The following ITIH2 variants were observed in gnomAD, a reference collection of about 807,000 sequenced individuals.
ITIH2 encodes inter-alpha-trypsin inhibitor heavy chain H2.
A neutral mutation model predicts 104.4 loss-of-function variants in ITIH2; 103 were observed. That is an observed-to-expected ratio of 0.99 (90% CI 0.84 to 1.16). The LOEUF (loss-of-function observed/expected upper bound fraction) is 1.16, where lower values mean the gene tolerates loss of function less well. Among genes scored for constraint, ITIH2 ranks in the 50% most tolerant of loss-of-function variants. ITIH2 has a pLI of 0.00. For missense variants in ITIH2, 1,108 were observed against 1,162.4 expected, an observed-to-expected ratio of 0.95 and a Z score of 0.68; for synonymous variants, 436 against 435.4, an observed-to-expected ratio of 1.00 and a Z score of -0.02.
chr10:7,746,525 T>G, intron 19 of ITIH2, 68 bp from the exon 20 acceptor site: 1 of 1,022,888 alleles, frequency 9.8e-7, no homozygotes, highest in Non-Finnish European at 1.5e-6. Context: ...TAGCATGGAG[T>G]CAATAATGAG....
intron 4 of ITIH2, 106 bp downstream of exon 4, chr10:7,709,297 G>A (rs973045117): frequency 1.1e-5 from 11 of 984,050 alleles, no homozygotes; most frequent in Admixed American, 6.0e-5. Flanking sequence ...CCAGAGGACC[G>A]GCTGGATGTC....
chr10:7,705,294 G>T, intron 2 of ITIH2, 112 bp downstream of exon 2: 2 of 771,770 alleles, frequency 2.6e-6, no homozygotes, highest in Non-Finnish European at 2.2e-6. Context: ...TTGTTTTTTA[G>T]CACAGAAGAG....
Position 7,735,033 on chromosome 10 carries a change from G to C in ITIH2, c.1899G>C (p.Glu633Asp), listed in dbSNP as rs747736437. The change falls in exon 15 of 21, where the codon GAG (glutamate) becomes GAC (aspartate). Residue 633 changes from glutamate (E) to aspartate (D), a missense_variant. Glu to Asp is a conservative substitution (Grantham distance 45, BLOSUM62 2). Transcript: ENST00000358415. ...TPLTSLVIEN[E>D]AGDERMLADA... ...TGACCTCGCTGGTGATCGAGAACGA[G>C]GCTGGGGATGAGCGCATGCTGGCGG... The C allele has an allele frequency of 3.2e-5, 52 of 1,613,294 alleles. 1 individual carries two copies. The East Asian group carries it at 1.2e-3, about 36-fold the overall frequency.
chr10:7,709,003 G>A lies in ITIH2; in HGVS notation c.193-19G>A, dbSNP rs1834771725. The stretch of plus-strand genomic sequence containing the variant: ...GTGATTTTTCTATCAGTACAGTTAT[G>A]CTTTCTTGCCAATTTCAGGAAGAGG... On this transcript the variant is annotated intron_variant, in intron 3 of 20. Coordinates refer to ENST00000358415, the MANE Select transcript of ITIH2 (RefSeq NM_002216.3). The A allele has an allele frequency of 6.2e-7, 1 of 1,608,334 alleles. No homozygotes were observed. The highest frequency in any genetic ancestry group is 1.7e-5 in the Admixed American group (1 of 59,968).
chr10:7,720,875 A>G lies in ITIH2; in HGVS notation c.650A>G (p.Glu217Gly). 6.2e-7 allele frequency: 1 copy of G among 1,611,664 alleles called. No homozygotes were observed. The highest frequency in any genetic ancestry group is 8.5e-7 in the Non-Finnish European group (1 of 1,177,736). The change falls in exon 7 of 21, where the codon GAA becomes GGA. Residue 217 changes from glutamate to glycine, a missense_variant. Physicochemically the swap from Glu to Gly is moderately conservative, Grantham distance 98. Transcript: ENST00000358415. ...KHLEVDVWVI[E>G]PQGLRFLHVP... The stretch of plus-strand genomic sequence containing the variant: ...CTCTAGGTAGATGTGTGGGTTATCG[A>G]ACCACAGGGACTGAGATTTCTTCAT...
rs575787724 is a variant in ITIH2 at position 7,744,859 on chromosome 10, T to G, written c.2477T>G (p.Val826Gly). 1 of 1,614,054 alleles carries G rather than the reference T, an allele frequency of 6.2e-7. No individual in the cohort carries two copies. The highest frequency in any genetic ancestry group is 2.2e-5 in the East Asian group (1 of 44,872). The stretch of plus-strand genomic sequence containing the variant: ...CTGGATAAAGAGATGTCCTTTTCTG[T>G]TTTACTTCATCGTGTTTGGAAGAAG... ...ITLDKEMSFSVLLHRVWKKHP... is the reference protein window; with the variant it reads ...ITLDKEMSFSGLLHRVWKKHP... Residue 826 changes from valine (V) to glycine (G), a missense_variant, in exon 19 of 21, where the codon GTT becomes GGT. Transcript: ENST00000358415.
At chr10:7,718,155 G>T (rs550838920) in intron 6 of ITIH2, among the ~76,000 whole-genome samples, 1 of 152,276 alleles carries the variant, frequency 6.6e-6, no homozygotes, top group South Asian at 2.1e-4. Context: ...TTCTCCTGCT[G>T]TCTGGCAGCT....
At chr10:7,705,700 TAAAAA>T (rs34935493) in intron 2 of ITIH2, among the ~76,000 whole-genome samples, 50 of 131,858 alleles carry the variant, frequency 3.8e-4, no homozygotes, top group Non-Finnish European at 6.7e-4. Context: ...CCACTCCATT[TAAAAA>T]AAAAAAAAAA....
chr10:7,711,607 C>A (rs1344160245), intron 4 of ITIH2, among the ~76,000 whole-genome samples: 3 of 152,128 alleles, frequency 2.0e-5, no homozygotes, highest in African/African-American at 7.2e-5. Context: ...ATGGCCTTGA[C>A]CAGCAGTGTG....
intron 16 of ITIH2, among the ~76,000 whole-genome samples, chr10:7,742,572 A>C (rs1835137412): frequency 6.6e-6 from 1 of 152,072 alleles, no homozygotes; most frequent in Non-Finnish European, 1.5e-5. Context: ...GAGACCCCCC[A>C]TCTCTACAAA....
At chr10:7,732,207 TC>T (rs1173417716) in intron 13 of ITIH2, 130 bp from the exon 14 acceptor site, 17 of 1,098,046 alleles carry the variant, frequency 1.5e-5, no homozygotes, top group Non-Finnish European at 2.1e-5. Flanking sequence ...GGAATGCATT[TC>T]CTTCCTCCGT....
At chr10:7,742,422 C>T (rs1019619212) in intron 16 of ITIH2, among the ~76,000 whole-genome samples, 3 of 152,036 alleles carry the variant, frequency 2.0e-5, no homozygotes, top group Non-Finnish European at 4.4e-5. Flanking sequence ...CTTTGTTTTC[C>T]TGCATTGTAT....
At chr10:7,718,228 C>T (rs1312595494) in intron 6 of ITIH2, among the ~76,000 whole-genome samples, 1 of 152,184 alleles carries the variant, frequency 6.6e-6, no homozygotes, top group African/African-American at 2.4e-5. Context: ...TCCACGGTCG[C>T]ATCCTCTCCT....
chr10:7,707,853 T>C (rs1344237490), intron 3 of ITIH2, among the ~76,000 whole-genome samples: 2 of 152,196 alleles, frequency 1.3e-5, no homozygotes, highest in East Asian at 3.9e-4. Context: ...GCATGAGCCA[T>C]TGCTTCCAGC....
At position 7,721,752 on chromosome 10, in the gene ITIH2, G is replaced by T; in HGVS notation, c.842G>T (p.Arg281Ile). 6.2e-7 allele frequency: 1 copy of T among 1,614,064 alleles called. No homozygotes were observed. Among genetic ancestry groups the T allele is most frequent in the Non-Finnish European group, 8.5e-7 (1 of 1,179,964 alleles). ...CTGGTGGTGCTGTATGACGTGAAAA[G>T]AGAAGAGAAGGCTGGTGAACTGGAG... is the stretch of plus-strand genomic sequence containing the variant. ...GELVVLYDVK[R>I]EEKAGELEVF... Residue 281 changes from arginine to isoleucine, a missense_variant, in exon 8 of 21, where the codon AGA becomes ATA. Physicochemically the swap from Arg to Ile is moderately conservative, Grantham distance 97 (BLOSUM62 -3). Coordinates refer to ENST00000358415, the MANE Select transcript of ITIH2 (RefSeq NM_002216.3).
chr10:7,737,280 G>A (rs1041740583), intron 15 of ITIH2, among the ~76,000 whole-genome samples: 4 of 151,094 alleles, frequency 2.6e-5, no homozygotes, highest in Admixed American at 6.7e-5. Flanking sequence ...AGGCACCCCC[G>A]AGGGTGCACA....
At chr10:7,746,445 C>T in intron 19 of ITIH2, 148 bp from the exon 20 acceptor site, 1 of 606,436 alleles carries the variant, frequency 1.6e-6, no homozygotes, top group Non-Finnish European at 3.0e-6. Flanking sequence ...GACCCTCCCT[C>T]CCATCACCAC....
chr10:7,738,361 G>A (rs900819619), intron 15 of ITIH2, among the ~76,000 whole-genome samples: 7 of 145,126 alleles, frequency 4.8e-5, no homozygotes, highest in African/African-American at 1.8e-4. Flanking sequence ...TGGAGTCACG[G>A]GGCCCTTCCC....
intron 16 of ITIH2, among the ~76,000 whole-genome samples, 163 bp downstream of exon 16, chr10:7,738,921 TTTTG>T (rs1007442168): frequency 3.9e-5 from 6 of 152,310 alleles, no homozygotes; most frequent in African/African-American, 7.2e-5. Flanking sequence ...ATACAGCTTA[TTTTG>T]TTTGTTTTTA....
Sources: allele counts gnomAD v4.1 joint callset (sites outside exome capture counted in the v4.1 genomes callset), GRCh38; gene constraint gnomAD v4.1.1; transcripts MANE v1.5; gene names NCBI Gene and HGNC (gene_info 2026-07-23, HGNC 2026-07-21).